The following ANO3 variants were observed in gnomAD, a reference collection of about 807,000 sequenced individuals.
ANO3 encodes anoctamin-3.
Under a neutral mutation model 144.8 loss-of-function variants are expected in ANO3, and 99 were observed. That is an observed-to-expected ratio of 0.68 (90% confidence interval 0.58 to 0.81). The LOEUF (loss-of-function observed/expected upper bound fraction) is 0.81. Among genes scored for constraint, ANO3 ranks in the 30% least tolerant of loss-of-function variants. The pLI is 0.00. For missense variants in ANO3, 905 were observed against 1,202.2 expected, an observed-to-expected ratio of 0.75 and a Z score of 3.66; for synonymous variants, 414 against 392.6, an observed-to-expected ratio of 1.05 and a Z score of -0.64.
At chr11:26,302,572 G>A (rs7121863) in intron 1 of ANO3, among the ~76,000 whole-genome samples, 3,060 of 151,856 alleles carry the variant, frequency 0.02, 92 homozygotes, top group African/African-American at 0.066. Flanking sequence ...ATAAACTAAC[G>A]GCCTTAAACA....
chr11:26,203,438 C>A (rs952061121), intron 1 of ANO3, among the ~76,000 whole-genome samples: 2 of 151,874 alleles, frequency 1.3e-5, no homozygotes, highest in African/African-American at 4.8e-5. Flanking sequence ...GGCACAGGAG[C>A]CTTTATAAAG....
chr11:26,595,896 AT>A (rs1311736345), intron 14 of ANO3, among the ~76,000 whole-genome samples: 1 of 152,078 alleles, frequency 6.6e-6, no homozygotes, highest in East Asian at 1.9e-4. Flanking sequence ...TCTAAAGGTT[AT>A]TTTTCTACTT....
chr11:26,291,072 G>C (rs1031937607), intron 1 of ANO3, among the ~76,000 whole-genome samples: 1 of 152,154 alleles, frequency 6.6e-6, no homozygotes, highest in Non-Finnish European at 1.5e-5. Context: ...CTAAGGACTT[G>C]CTTTATGAAT....
intron 1 of ANO3, among the ~76,000 whole-genome samples, chr11:26,194,128 G>A (rs72887674): frequency 0.043 from 6,582 of 152,222 alleles, 200 homozygotes; most frequent in Middle Eastern, 0.065. Flanking sequence ...AATACACTAA[G>A]GAGGTGAGGT....
intron 26 of ANO3, among the ~76,000 whole-genome samples, chr11:26,657,482 G>A (rs1270543582): frequency 1.3e-5 from 2 of 151,904 alleles, no homozygotes; most frequent in African/African-American, 4.8e-5. Flanking sequence ...TCTTATTTTG[G>A]AGCTCAAATG....
At chr11:26,241,463 C>G (rs930928719) in intron 1 of ANO3, among the ~76,000 whole-genome samples, 5 of 152,290 alleles carry the variant, frequency 3.3e-5, no homozygotes, top group Non-Finnish European at 7.4e-5. Context: ...CTTTCTTACT[C>G]TCATACTCCT....
At chr11:26,587,362 G>C (rs1474463076) in intron 14 of ANO3, among the ~76,000 whole-genome samples, 1 of 152,156 alleles carries the variant, frequency 6.6e-6, no homozygotes, top group Non-Finnish European at 1.5e-5. Flanking sequence ...TTACATACCT[G>C]AGAGAACCTT....
At chr11:26,534,805 T>C (rs1245012102) in intron 9 of ANO3, among the ~76,000 whole-genome samples, 1 of 152,180 alleles carries the variant, frequency 6.6e-6, no homozygotes, top group Non-Finnish European at 1.5e-5. Context: ...AACAGAAATA[T>C]TATTTCTTGA....
intron 7 of ANO3, among the ~76,000 whole-genome samples, chr11:26,527,771 A>G (rs1849202535): frequency 6.6e-6 from 1 of 152,126 alleles, no homozygotes; most frequent in Non-Finnish European, 1.5e-5. Context: ...TTTATTTTTT[A>G]TTCAGAAAGC....
intron 1 of ANO3, among the ~76,000 whole-genome samples, chr11:26,272,028 G>A (rs1289237772): frequency 6.6e-6 from 1 of 152,026 alleles, no homozygotes; most frequent in Non-Finnish European, 1.5e-5. Flanking sequence ...AGTGTGGTGA[G>A]ATCAAGTGTT....
intron 1 of ANO3, among the ~76,000 whole-genome samples, chr11:26,193,005 G>A (rs1010666967): frequency 6.6e-6 from 1 of 151,958 alleles, no homozygotes; most frequent in Non-Finnish European, 1.5e-5. Context: ...GTGGTTTGCT[G>A]CACCCATCAA....
At chr11:26,319,660 A>G (rs2133877900) in intron 1 of ANO3, among the ~76,000 whole-genome samples, 1 of 152,336 alleles carries the variant, frequency 6.6e-6, no homozygotes, top group African/African-American at 2.4e-5. Context: ...AACATATCCT[A>G]TAAAAATAGG....
At chr11:26,300,385 A>T (rs1207180085) in intron 1 of ANO3, among the ~76,000 whole-genome samples, 1 of 151,948 alleles carries the variant, frequency 6.6e-6, no homozygotes, top group East Asian at 1.9e-4. Flanking sequence ...CTCTCTCTCG[A>T]CATTTGCCCC....
intron 1 of ANO3, among the ~76,000 whole-genome samples, chr11:26,370,681 G>A (rs978316530): frequency 3.9e-5 from 6 of 152,324 alleles, no homozygotes; most frequent in African/African-American, 1.4e-4. Flanking sequence ...CCAAAAGTCT[G>A]TTAGTAATAT....
At chr11:26,307,805 CAT>C (rs1368139547), upstream of ANO3, among the ~76,000 whole-genome samples, 2 of 151,506 alleles carry the variant, frequency 1.3e-5, no homozygotes, top group Non-Finnish European at 2.9e-5. Flanking sequence ...TTCACCATCA[CAT>C]GATTGAATTG....
At chr11:26,455,806 C>T (rs1400794224) in intron 3 of ANO3, among the ~76,000 whole-genome samples, 1 of 150,648 alleles carries the variant, frequency 6.6e-6, no homozygotes, top group African/African-American at 2.4e-5. Flanking sequence ...AGGCATCACA[C>T]TACCTGACTT....
chr11:26,646,485 T>C (rs1445539083), intron 23 of ANO3, among the ~76,000 whole-genome samples: 2 of 152,146 alleles, frequency 1.3e-5, no homozygotes, highest in Admixed American at 1.3e-4. Context: ...AAAAATGTTG[T>C]AACAAGTCAC....
At chr11:26,473,310 G>T (rs1038265663) in intron 4 of ANO3, among the ~76,000 whole-genome samples, 2 of 151,876 alleles carry the variant, frequency 1.3e-5, no homozygotes, top group Non-Finnish European at 2.9e-5. Context: ...CTCTTATGTG[G>T]ATGTTAAGTA....
chr11:26,254,356 A>G (rs574457693), intron 1 of ANO3, among the ~76,000 whole-genome samples: 2 of 152,312 alleles, frequency 1.3e-5, no homozygotes, highest in East Asian at 3.9e-4. Context: ...ATACAAAAAA[A>G]TAACATCAGA....
Sources: allele counts gnomAD v4.1 joint callset (sites outside exome capture counted in the v4.1 genomes callset), GRCh38; gene constraint gnomAD v4.1.1; transcripts MANE v1.5; gene names NCBI Gene and HGNC (gene_info 2026-07-23, HGNC 2026-07-21).